PSMD1: variants seen among roughly 807,000 people sequenced by gnomAD.
The protein encoded by PSMD1 is proteasome 26S subunit, non-ATPase 1, also known as 26S proteasome non-ATPase regulatory subunit 1.
Under a neutral mutation model 119.0 loss-of-function variants are expected in PSMD1, and 18 were observed. The ratio of observed to expected loss-of-function variants is 0.15; its 90% CI spans 0.10 to 0.22. The LOEUF is 0.22. Ranked by LOEUF, PSMD1 falls within the 10% of genes least tolerant of loss-of-function variation. PSMD1 has a pLI of 1.00. For synonymous variants in PSMD1, 374 were observed against 396.6 expected, an observed-to-expected ratio of 0.94 and a Z score of 0.68; for missense variants, 702 against 1,158.5, an observed-to-expected ratio of 0.61 and a Z score of 5.72.
chr2:231,113,568 C>T (rs1380244797), intron 16 of PSMD1, among the ~76,000 whole-genome samples: 2 of 152,194 alleles, frequency 1.3e-5, no homozygotes, highest in East Asian at 1.9e-4. Context: ...TTTTAGAAGG[C>T]GTATGATAAA....
intron 16 of PSMD1, among the ~76,000 whole-genome samples, chr2:231,131,302 T>C (rs1225003670): frequency 6.6e-6 from 1 of 152,232 alleles, no homozygotes; most frequent in African/African-American, 2.4e-5. Context: ...TTGATAATCA[T>C]GCTGCGATCT....
intron 16 of PSMD1, 112 bp from the exon 17 acceptor site, chr2:231,138,624 A>C: frequency 1.4e-6 from 1 of 704,976 alleles, no homozygotes; most frequent in Non-Finnish European, 2.5e-6. Context: ...TTTATGTTTT[A>C]AATGCTCATT....
rs576936360 is a variant in PSMD1, at chr2:231,134,418, C to T, written c.1884-4318C>T. 4.6e-5 allele frequency among the ~76,000 whole-genome samples: 7 copies of T among 152,270 alleles called. 1 individual carries two copies. The South Asian group carries it at 1.5e-3, about 32-fold the overall frequency. On this transcript the variant is annotated intron_variant, in intron 16 of 24. Transcript: ENST00000308696. ...GTCCCGAGCGAGCCTAAACCAAGAC[C>T]CAGTTTTTCCAAATGTTTGTTATTG... is the stretch of plus-strand genomic sequence containing the variant.
At chr2:231,127,039 G>T (rs1035934787) in intron 16 of PSMD1, among the ~76,000 whole-genome samples, 2 of 151,654 alleles carry the variant, frequency 1.3e-5, no homozygotes, top group Non-Finnish European at 2.9e-5. Context: ...GCACACACAC[G>T]CACAGACGTA....
intron 23 of PSMD1, among the ~76,000 whole-genome samples, chr2:231,169,902 T>C (rs919876674): frequency 6.6e-6 from 1 of 152,234 alleles, no homozygotes; most frequent in Admixed American, 6.5e-5. Context: ...TTGTTTCCCA[T>C]GTATTTTTTC....
intron 17 of PSMD1, among the ~76,000 whole-genome samples, chr2:231,143,480 G>T (rs1327045076): frequency 6.7e-6 from 1 of 150,032 alleles, no homozygotes; most frequent in Non-Finnish European, 1.5e-5. Flanking sequence ...CACCTGCCTC[G>T]GCCTCCCAAA....
intron 12 of PSMD1, 50 bp downstream of exon 12, chr2:231,080,364 T>C (rs1455382475): frequency 2.8e-6 from 4 of 1,422,792 alleles, no homozygotes; most frequent in African/African-American, 1.4e-5. Context: ...GAATCCAGGA[T>C]AACATATTTG....
intron 16 of PSMD1, among the ~76,000 whole-genome samples, chr2:231,103,166 C>T (rs1160820825): frequency 1.3e-5 from 2 of 152,118 alleles, no homozygotes; most frequent in Non-Finnish European, 1.5e-5. Flanking sequence ...TTTTTCCTAT[C>T]GTGGATGGAA....
At chr2:231,078,861 CTCG>C in intron 10 of PSMD1, 114 bp downstream of exon 10, 1 of 628,568 alleles carries the variant, frequency 1.6e-6, no homozygotes, top group Non-Finnish European at 2.4e-6. Flanking sequence ...GTGATGCGAT[CTCG>C]GCTCACTGCA....
intron 18 of PSMD1, among the ~76,000 whole-genome samples, chr2:231,150,164 C>T (rs1696341092): frequency 6.6e-6 from 1 of 151,748 alleles, no homozygotes; most frequent in African/African-American, 2.4e-5. Flanking sequence ...GACAACATAG[C>T]GAAACCCCGT....
chr2:231,163,367 T>TA (rs1291442878), intron 20 of PSMD1: 1 of 347,114 alleles, frequency 2.9e-6, no homozygotes, highest in East Asian at 4.8e-5. Context: ...GAATAGGACT[T>TA]ACCCATTGAA....
At chr2:231,148,692 T>C (rs895455230) in intron 18 of PSMD1, among the ~76,000 whole-genome samples, 2 of 152,256 alleles carry the variant, frequency 1.3e-5, no homozygotes, top group African/African-American at 4.8e-5. Flanking sequence ...CACTACTCTT[T>C]AGAGCAAAGT....
intron 16 of PSMD1, among the ~76,000 whole-genome samples, chr2:231,105,389 A>G (rs1320945874): frequency 6.6e-6 from 1 of 152,190 alleles, no homozygotes; most frequent in Non-Finnish European, 1.5e-5. Flanking sequence ...AGTACTGTTC[A>G]TGTCATTGAC....
At chr2:231,168,923 A>G (rs1471360362) in intron 23 of PSMD1, among the ~76,000 whole-genome samples, 1 of 152,218 alleles carries the variant, frequency 6.6e-6, no homozygotes, top group Non-Finnish European at 1.5e-5. Context: ...GTAGTTTTGG[A>G]AACAAGTAAC....
intron 19 of PSMD1, among the ~76,000 whole-genome samples, chr2:231,160,927 G>T (rs1696624321): frequency 6.6e-6 from 1 of 152,052 alleles, no homozygotes; most frequent in Non-Finnish European, 1.5e-5. Flanking sequence ...CTTTATTATT[G>T]CCTGGGTGTA....
intron 16 of PSMD1, among the ~76,000 whole-genome samples, chr2:231,094,165 C>A (rs79034837): frequency 0.081 from 12,349 of 151,918 alleles, 635 homozygotes; most frequent in South Asian, 0.21. Flanking sequence ...AGGGTTAACA[C>A]GTGTTGAAGG....
chr2:231,157,069 T>C (rs1332784054), intron 19 of PSMD1, among the ~76,000 whole-genome samples: 1 of 152,130 alleles, frequency 6.6e-6, no homozygotes, highest in Non-Finnish European at 1.5e-5. Context: ...ATTTTACTGC[T>C]CTGTAATCTT....
intron 16 of PSMD1, chr2:231,124,006 G>A: frequency 2.1e-6 from 1 of 477,582 alleles, no homozygotes; most frequent in Admixed American, 3.3e-5. Flanking sequence ...ATTTAGGAAA[G>A]CTCAGTGAAA....
intron 12 of PSMD1, among the ~76,000 whole-genome samples, 183 bp from the exon 13 acceptor site, chr2:231,082,700 C>T (rs928886066): frequency 2.0e-5 from 3 of 152,164 alleles, no homozygotes; most frequent in African/African-American, 4.8e-5. Flanking sequence ...AGCGAAACTA[C>T]GTCTGAAACA....
Sources: gnomAD v4.1 joint callset for allele counts (sites outside exome capture counted in the v4.1 genomes callset) on GRCh38, gnomAD v4.1.1 for gene constraint, MANE v1.5 for transcripts, NCBI Gene and HGNC (gene_info 2026-07-23, HGNC 2026-07-21) for gene names.